RGPD2: variants seen among roughly 807,000 people sequenced by gnomAD.
RGPD2 encodes the protein RANBP2-like and GRIP domain-containing protein 2.
Under a neutral mutation model 36.0 loss-of-function variants are expected in RGPD2, and 2 were observed. The observed-to-expected ratio is 0.06, with a 90% CI of 0.02 to 0.17. RGPD2 has a LOEUF of 0.17. RGPD2 is among the 10% of genes least tolerant of loss of function. RGPD2 has a pLI of 1.00. For synonymous variants in RGPD2, 19 were observed against 163.8 expected (o/e 0.12, Z 6.75); for missense variants, 40 against 464.3 (o/e 0.09, Z 8.40).
chr2:87,983,398 C>T, the RGPD2 span, among the ~76,000 whole-genome samples: 1 of 131,316 alleles, frequency 7.6e-6, no homozygotes, highest in Non-Finnish European at 1.6e-5. Context: ...GACAGCAATT[C>T]CTTCATGTGC....
At chr2:87,883,503 A>G in the RGPD2 span, among the ~76,000 whole-genome samples, 3 of 152,054 alleles carry the variant, frequency 2.0e-5, no homozygotes, top group Non-Finnish European at 4.4e-5. Context: ...TAAGTGTTTC[A>G]GTTAAAGGGC....
the RGPD2 span, among the ~76,000 whole-genome samples, chr2:87,896,805 A>G: frequency 7.8e-6 from 1 of 128,164 alleles, no homozygotes; most frequent in Non-Finnish European, 1.7e-5. Flanking sequence ...AGAAGACCTC[A>G]CTATTGTCAT....
chr2:87,863,666 A>G, the RGPD2 span, among the ~76,000 whole-genome samples: 1 of 152,088 alleles, frequency 6.6e-6, no homozygotes, highest in African/African-American at 2.4e-5. Context: ...TTATTTTGTT[A>G]TGAATACAGT....
intron 17 of RGPD2, among the ~76,000 whole-genome samples, 153 bp downstream of exon 17, chr2:87,791,837 T>TAA (rs879026813): frequency 3.1e-5 from 1 of 32,370 alleles, no homozygotes; most frequent in Non-Finnish European, 4.3e-5. Flanking sequence ...GACCCTGTCT[T>TAA]AAAAAAAAAA....
chr2:87,885,188 T>C, the RGPD2 span, among the ~76,000 whole-genome samples: 2 of 152,058 alleles, frequency 1.3e-5, no homozygotes, highest in East Asian at 1.9e-4. Context: ...GGATGCAAGA[T>C]TGGTTGAACA....
chr2:87,839,364 T>C, the RGPD2 span, among the ~76,000 whole-genome samples: 2 of 151,686 alleles, frequency 1.3e-5, no homozygotes, highest in Non-Finnish European at 2.9e-5. Context: ...TATCAAAAAG[T>C]CAAAAAATAA....
At chr2:87,921,252 G>T in the RGPD2 span, among the ~76,000 whole-genome samples, 1 of 152,100 alleles carries the variant, frequency 6.6e-6, no homozygotes, top group Admixed American at 6.5e-5. Context: ...GATGCTTAGC[G>T]CAGTGAAGCC....
the RGPD2 span, among the ~76,000 whole-genome samples, chr2:87,964,654 A>G: frequency 4.0e-5 from 6 of 150,298 alleles, no homozygotes; most frequent in African/African-American, 1.2e-4. Flanking sequence ...GCAGACTTCC[A>G]TAACAACTGT....
chr2:87,979,871 G>A, the RGPD2 span, among the ~76,000 whole-genome samples: 4,961 of 147,936 alleles, frequency 0.034, 276 homozygotes, highest in African/African-American at 0.11. Flanking sequence ...GCGAGACTCC[G>A]TCTCAAAAAA....
At chr2:87,915,303 ATT>A in the RGPD2 span, among the ~76,000 whole-genome samples, 1 of 116,844 alleles carries the variant, frequency 8.6e-6, no homozygotes. Context: ...TATTATATAT[ATT>A]GTATATATAT....
At chr2:87,913,379 A>T in the RGPD2 span, among the ~76,000 whole-genome samples, 36 of 151,748 alleles carry the variant, frequency 2.4e-4, no homozygotes, top group Admixed American at 8.6e-4. Context: ...AATATCACAC[A>T]CTGGGGACTG....
the RGPD2 span, among the ~76,000 whole-genome samples, chr2:87,905,262 C>G: frequency 6.6e-6 from 1 of 152,240 alleles, no homozygotes; most frequent in Admixed American, 6.5e-5. Context: ...CCTCACTGAA[C>G]TGGAGACCAG....
chr2:87,988,541 A>ATTTTTTTTTT, the RGPD2 span, among the ~76,000 whole-genome samples: 5 of 54,150 alleles, frequency 9.2e-5, no homozygotes, highest in East Asian at 1.5e-3. Flanking sequence ...ATATATATAT[A>ATTTTTTTTTT]TTTTTTTTTT....
At chr2:87,966,542 G>C in the RGPD2 span, among the ~76,000 whole-genome samples, 1 of 151,214 alleles carries the variant, frequency 6.6e-6, no homozygotes, top group Non-Finnish European at 1.5e-5. Flanking sequence ...AGCAATGTCT[G>C]TGCTTTTGTG....
the RGPD2 span, among the ~76,000 whole-genome samples, chr2:87,867,242 G>A: frequency 1.3e-5 from 2 of 152,144 alleles, no homozygotes; most frequent in Non-Finnish European, 2.9e-5. Context: ...CAGAGTAAAT[G>A]GGCAGGACTA....
At chr2:87,921,604 A>C in the RGPD2 span, among the ~76,000 whole-genome samples, 3 of 152,168 alleles carry the variant, frequency 2.0e-5, no homozygotes, top group Non-Finnish European at 4.4e-5. Flanking sequence ...CCTGCAAGCC[A>C]GGACCATTGT....
At chr2:87,988,541 A>ATATATATAT in the RGPD2 span, among the ~76,000 whole-genome samples, 575 of 54,144 alleles carry the variant, frequency 0.011, 24 homozygotes, top group Middle Eastern at 0.024. Context: ...ATATATATAT[A>ATATATATAT]TTTTTTTTTT....
At chr2:87,943,502 G>T in the RGPD2 span, among the ~76,000 whole-genome samples, 2 of 151,312 alleles carry the variant, frequency 1.3e-5, no homozygotes, top group African/African-American at 4.8e-5. Flanking sequence ...TGTTTGTTTT[G>T]CTTTTGAGTT....
chr2:87,919,266 C>G, the RGPD2 span, among the ~76,000 whole-genome samples: 1 of 151,726 alleles, frequency 6.6e-6, no homozygotes, highest in African/African-American at 2.4e-5. Flanking sequence ...ACCTCACTAG[C>G]CTTCAGTTTC....
Sources: gnomAD v4.1 joint callset for allele counts (sites outside exome capture counted in the v4.1 genomes callset) on GRCh38, gnomAD v4.1.1 for gene constraint, MANE v1.5 for transcripts, NCBI Gene and HGNC (gene_info 2026-07-23, HGNC 2026-07-21) for gene names.